Variants in PSMA6 observed in about 807,000 individuals in gnomAD.
PSMA6 encodes the protein proteasome subunit alpha type-6.
For synonymous variants in PSMA6, 88 were observed against 97.7 expected, an observed-to-expected ratio of 0.90 and a Z score of 0.59; for missense variants, 170 against 294.8, an observed-to-expected ratio of 0.58 and a Z score of 3.10.
chr14:35,294,981 G>A (rs1227065985), intron 1 of PSMA6, among the ~76,000 whole-genome samples: 1 of 152,034 alleles, frequency 6.6e-6, no homozygotes, highest in Non-Finnish European at 1.5e-5. Context: ...TTCCATACTT[G>A]GGACTCAAAA....
At chr14:35,281,482 C>G (rs954428213) in intron 1 of PSMA6, among the ~76,000 whole-genome samples, 1 of 152,124 alleles carries the variant, frequency 6.6e-6, no homozygotes, top group African/African-American at 2.4e-5. Flanking sequence ...CTCAAAATGC[C>G]AGTTCTGATT....
chr14:35,311,010 A>G (rs112162105), intron 4 of PSMA6, 115 bp downstream of exon 4: 3 of 988,764 alleles, frequency 3.0e-6, no homozygotes, highest in Admixed American at 2.8e-5. Flanking sequence ...TGGAAAATAC[A>G]TAGAGTGGGA....
intron 3 of PSMA6, among the ~76,000 whole-genome samples, 171 bp from the exon 4 acceptor site, chr14:35,310,569 A>G (rs1014485837): frequency 6.6e-6 from 1 of 152,066 alleles, no homozygotes; most frequent in Non-Finnish European, 1.5e-5. Context: ...TTTTTCATAT[A>G]CTTGTTGATG....
chr14:35,280,683 G>A (rs2051357302), intron 1 of PSMA6, among the ~76,000 whole-genome samples: 1 of 151,800 alleles, frequency 6.6e-6, no homozygotes, highest in African/African-American at 2.4e-5. Flanking sequence ...CACCCAGCCT[G>A]GTCTCATTGT....
At chr14:35,307,826 A>C (rs2051859337) in intron 1 of PSMA6, among the ~76,000 whole-genome samples, 168 bp from the exon 2 acceptor site, 1 of 152,216 alleles carries the variant, frequency 6.6e-6, no homozygotes, top group African/African-American at 2.4e-5. Context: ...AGTTGGTTTA[A>C]CTGTGACTTG....
At chr14:35,293,222 C>G in intron 1 of PSMA6, 1 of 332,654 alleles carries the variant, frequency 3.0e-6, no homozygotes, top group South Asian at 2.3e-5. Context: ...CCCTTTTTAC[C>G]CACATCTGTT....
At chr14:35,291,127 G>T (rs1007262913), upstream of PSMA6, among the ~76,000 whole-genome samples, 30 of 151,638 alleles carry the variant, frequency 2.0e-4, no homozygotes, top group African/African-American at 7.3e-4. Flanking sequence ...GAGTAGCTGG[G>T]ACTACTGGCG....
intron 6 of PSMA6, chr14:35,314,675 A>T: frequency 2.7e-6 from 1 of 370,022 alleles, no homozygotes; most frequent in African/African-American, 2.1e-5. Context: ...GAGTGATTTT[A>T]TATCTAACAC....
At chr14:35,302,622 G>A (rs78915621) in intron 1 of PSMA6, among the ~76,000 whole-genome samples, 4,933 of 151,500 alleles carry the variant, frequency 0.033, 249 homozygotes, top group African/African-American at 0.11. Flanking sequence ...TTTGTTTTCC[G>A]ATTCTTTGCT....
chr14:35,292,900 A>AT (rs2051513856), intron 1 of PSMA6: 10 of 495,092 alleles, frequency 2.0e-5, no homozygotes, highest in Middle Eastern at 6.2e-4. Flanking sequence ...AGGGTAATTG[A>AT]TTCCTTAACG....
At chr14:35,314,282 G>T (rs1042074895) in intron 5 of PSMA6, 79 bp from the exon 6 acceptor site, 2 of 1,369,762 alleles carry the variant, frequency 1.5e-6, no homozygotes, top group Non-Finnish European at 9.6e-7. Flanking sequence ...ATTGACTCAT[G>T]ATTTGAATAA....
chr14:35,288,452 C>T (rs1010757986), upstream of PSMA6, among the ~76,000 whole-genome samples: 5 of 152,176 alleles, frequency 3.3e-5, no homozygotes, highest in East Asian at 7.7e-4. Flanking sequence ...GAGCCGAGAT[C>T]GTGCCACTGC....
chr14:35,293,295 A>T, intron 1 of PSMA6: 1 of 262,688 alleles, frequency 3.8e-6, no homozygotes, highest in East Asian at 1.0e-4. Flanking sequence ...GTACTAGTTT[A>T]CTGAAGAACA....
chr14:35,317,367 A>C lies in PSMA6; in HGVS notation c.*61A>C, dbSNP rs190785752. Reference sequence around the variant, plus strand: ...TTACCTGTGTGTTTGGTAACAACAAACCAACATCATGGAGGTCCCTGGATT... The same window carrying C: ...TTACCTGTGTGTTTGGTAACAACAACCCAACATCATGGAGGTCCCTGGATT... On this transcript the variant is annotated 3_prime_UTR_variant, in exon 7 of 7. Transcript: ENST00000261479. 1.4e-6 allele frequency: 2 copies of C among 1,451,354 alleles called. No homozygotes were observed. Among genetic ancestry groups the C allele is most frequent in the African/African-American group, 2.8e-5 (2 of 71,592 alleles). 89.9% of individuals were successfully genotyped at this position (1,451,354 alleles called of 1,614,324 possible).
intron 1 of PSMA6, among the ~76,000 whole-genome samples, chr14:35,280,120 G>A (rs2051350151): frequency 6.8e-6 from 1 of 146,508 alleles, no homozygotes; most frequent in South Asian, 2.2e-4. Context: ...GACAGAGCAA[G>A]ACTCCGTCTC....
chr14:35,317,371 A>G lies in PSMA6; in HGVS notation c.*65A>G. On this transcript the variant is annotated 3_prime_UTR_variant, in exon 7 of 7. Transcript: ENST00000261479. ...CTGTGTGTTTGGTAACAACAAACCAACATCATGGAGGTCCCTGGATTGAAA... is the reference window on the plus strand; with the variant it reads ...CTGTGTGTTTGGTAACAACAAACCAGCATCATGGAGGTCCCTGGATTGAAA... 7.1e-7 allele frequency: 1 copy of G among 1,418,440 alleles called. No individual in the cohort carries two copies. 87.9% of individuals were successfully genotyped at this position (1,418,440 alleles called of 1,614,324 possible). A position where few individuals can be genotyped will look rare whatever the true frequency, so the allele number is the denominator to read the frequency against.
chr14:35,309,408 G>A (rs1594391602), intron 3 of PSMA6, among the ~76,000 whole-genome samples: 1 of 152,124 alleles, frequency 6.6e-6, no homozygotes, highest in Non-Finnish European at 1.5e-5. Flanking sequence ...CCAGCACTTT[G>A]GGAGGCCAAG....
intron 5 of PSMA6, 112 bp downstream of exon 5, chr14:35,313,171 CAACTT>C: frequency 9.7e-7 from 1 of 1,026,678 alleles, no homozygotes; most frequent in Non-Finnish European, 1.4e-6. Flanking sequence ...TTCAAGTTGT[CAACTT>C]AATAATGAAA....
chr14:35,280,361 G>C (rs552737789), intron 1 of PSMA6, among the ~76,000 whole-genome samples: 78 of 151,052 alleles, frequency 5.2e-4, no homozygotes, highest in Admixed American at 2.6e-4. Context: ...TCCACATTTT[G>C]GTCTCATTGT....
Sources: allele counts gnomAD v4.1 joint callset (sites outside exome capture counted in the v4.1 genomes callset), GRCh38; gene constraint gnomAD v4.1.1; transcripts MANE v1.5; gene names NCBI Gene and HGNC (gene_info 2026-07-23, HGNC 2026-07-21).